The following INF2 variants were observed in gnomAD, a reference collection of about 807,000 sequenced individuals.
INF2 encodes the protein inverted formin-2.
INF2 carries 43 observed loss-of-function variants against 123.5 expected under a neutral mutation model. The ratio of observed to expected loss-of-function variants is 0.35; its 90% CI spans 0.27 to 0.45. The LOEUF (loss-of-function observed/expected upper bound fraction) is 0.45. Among genes scored for constraint, INF2 ranks in the 20% least tolerant of loss-of-function variants. The pLI is 1.00. For missense variants in INF2, 1,453 were observed against 1,682.7 expected (o/e 0.86, Z 2.39); for synonymous variants, 851 against 745.0 (o/e 1.14, Z -2.32).
chr14:104,682,358 A>G (rs998629346), intron 1 of INF2, among the ~76,000 whole-genome samples: 2 of 152,192 alleles, frequency 1.3e-5, no homozygotes, highest in African/African-American at 4.8e-5. Context: ...GGAAGAGCTC[A>G]GGAGCAAATG....
intron 1 of INF2, among the ~76,000 whole-genome samples, chr14:104,695,097 C>T (rs1595155688): frequency 6.6e-6 from 1 of 152,262 alleles, no homozygotes; most frequent in South Asian, 2.1e-4. Context: ...TGACGAGCTC[C>T]TGGCCACCTG....
chr14:104,707,393 A>T lies in INF2; in HGVS notation c.1126A>T (p.Thr376Ser), dbSNP rs376942822. The change falls in exon 8 of 23, where the codon ACT (threonine) becomes TCT (serine). Residue 376 changes from threonine (T) to serine (S), a missense_variant. Physicochemically the swap from Thr to Ser is moderately conservative, Grantham distance 58 (BLOSUM62 1). Coordinates refer to ENST00000392634, the MANE Select transcript of INF2 (RefSeq NM_022489.4). ...QSQRGSSPQN[T>S]TTPKPSVEGQ... ...CCAGAGGGGCAGCTCCCCGCAAAAC[A>T]CTACAACCCCCAAGCCCAGCGTGGA... 2.5e-6 allele frequency: 4 copies of T among 1,589,712 alleles called. No homozygotes were observed. Among genetic ancestry groups the T allele is most frequent in the Non-Finnish European group, 2.6e-6 (3 of 1,169,650 alleles).
At chr14:104,698,125 G>T (rs777411208) in intron 1 of INF2, among the ~76,000 whole-genome samples, 1 of 152,248 alleles carries the variant, frequency 6.6e-6, no homozygotes, top group Non-Finnish European at 1.5e-5. Flanking sequence ...ACATTCCTGC[G>T]CTGGTGGCCC....
intron 22 of INF2, chr14:104,716,009 A>G (rs868448398): frequency 4.0e-5 from 18 of 453,898 alleles, no homozygotes; most frequent in Middle Eastern, 6.5e-4. Context: ...CCAAAGGTCA[A>G]TCAGCCAGGT....
chr14:104,701,821 C>T, intron 2 of INF2, 65 bp downstream of exon 2: 2 of 1,427,234 alleles, frequency 1.4e-6, no homozygotes, highest in Non-Finnish European at 1.8e-6. Flanking sequence ...GCTTCAGGCC[C>T]AAAAGGCCCC....
rs756712490 is a variant in INF2, at chr14:104,708,712, C to T, written c.1929C>T (p.Ile643=). 176 of 1,613,128 alleles carry T rather than the reference C, an allele frequency of 1.1e-4. 2 individuals carry two copies. The South Asian group carries it at 1.8e-3, about 17-fold the overall frequency. The change falls in exon 10 of 23, where the codon ATC becomes ATT. Residue 643 remains isoleucine (I), a synonymous_variant. Transcript: ENST00000392634. The part of the protein sequence containing the change: ...LDAKKSLNLN[I]FLKQFKCSNE... ...CCAAGAAGAGCCTGAACCTCAACAT[C>T]TTCCTGAAGCAATTTAAGTGGTGAG...
At position 104,708,540 on chromosome 14, in the gene INF2, A is replaced by C; in HGVS notation, c.1840A>C (p.Lys614Gln). 6.2e-7 allele frequency: 1 copy of C among 1,612,230 alleles called. No individual in the cohort carries two copies. The change falls in exon 9 of 23, where the codon AAG becomes CAG. Residue 614 changes from lysine (K) to glutamine (Q), a missense_variant. Transcript: ENST00000392634. ...ATTCTCCTTCCCTGCAGCCAAGCCC[A>C]AGGAGCCCACCATGGTGGCCCCCCG... is the stretch of plus-strand genomic sequence containing the variant. ...RLFSFPAAKP[K>Q]EPTMVAPRAR...
rs375469409 is a variant in INF2, at chr14:104,693,332, G to A, written c.-10+3593G>A. On this transcript the variant is annotated intron_variant, in intron 1 of 22. Coordinates refer to ENST00000392634, the MANE Select transcript of INF2 (RefSeq NM_022489.4). ...CTACTGTTACAGGGCTCTGCCCCGG[G>A]CCCACCTCACAGTGAAGGCAGAGGC... 2.0e-5 allele frequency among the ~76,000 whole-genome samples: 3 copies of A among 152,332 alleles called. No homozygotes were observed. The East Asian group carries it at 5.8e-4, about 29-fold the overall frequency.
rs1889024376 is a variant in INF2, at chr14:104,692,963, A to G, written c.-10+3224A>G. Among the ~76,000 whole-genome samples the G allele has an allele frequency of 2.0e-5, 3 of 152,190 alleles. No individual in the cohort carries two copies. In the South Asian group the frequency reaches 6.2e-4, roughly 32 times the overall value. On this transcript the variant is annotated intron_variant, in intron 1 of 22. Transcript: ENST00000392634. The stretch of plus-strand genomic sequence containing the variant: ...CAGTTCACTCCTGTTCTCACCCCAG[A>G]AGGGTGACTGGCCGTGGCTGGGGCA...
rs1337490946 is a variant in INF2 at position 104,684,179 on chromosome 14, C to T, written c.-104+2597C>T. The T allele has an allele frequency of 8.8e-6, 4 of 455,188 alleles. No homozygotes were observed. Among genetic ancestry groups the T allele is most frequent in the Admixed American group, 4.7e-5 (2 of 42,516 alleles). The allele number at this position is 455,188 out of a possible 1,614,324, so 28.2% of individuals were successfully genotyped here. A position where few individuals can be genotyped will look rare whatever the true frequency, so the allele number is the denominator to read the frequency against. On this transcript the variant is annotated intron_variant, in intron 1 of 2. Transcript: ENST00000674723. The surrounding 1 kb of genome is among the most constrained non-coding windows in gnomAD (Gnocchi z 5.0). ...CTGCGTGCCGCCACGGGAAACAGCA[C>T]GCATCCCATCTGGACTCCCACCAGA...
intron 1 of INF2, among the ~76,000 whole-genome samples, chr14:104,694,512 C>T (rs947518858): frequency 2.6e-5 from 4 of 152,182 alleles, no homozygotes; most frequent in Admixed American, 1.3e-4. Flanking sequence ...GCGGTCAGTG[C>T]GTGGTTATGC....
rs773373009 is a variant in INF2 at position 104,714,605 on chromosome 14, C to A, written c.3443C>A (p.Thr1148Lys). Residue 1148 changes from threonine to lysine, a missense_variant, in exon 21 of 23, where the codon ACA becomes AAA. This residue lies in a region of INF2 where 344 missense variants were observed against 333.1 expected (regional missense o/e 1.03). Coordinates refer to ENST00000392634, the MANE Select transcript of INF2 (RefSeq NM_022489.4). ...LGVLQAEADS[T>K]SEGLEDAVHS... ...GTCCTCCAGGCCGAGGCCGACAGCACAAGTGAGGGGCTGGAGGACGCTGTC... is the reference window on the plus strand; with the variant it reads ...GTCCTCCAGGCCGAGGCCGACAGCAAAAGTGAGGGGCTGGAGGACGCTGTC... 3 of 1,612,492 alleles carry A rather than the reference C, an allele frequency of 1.9e-6. No individual in the cohort carries two copies. The African/African-American group carries it at 4.0e-5, about 22-fold the overall frequency.
At chr14:104,714,998 C>A in intron 21 of INF2, 142 bp downstream of exon 21, 1 of 927,002 alleles carries the variant, frequency 1.1e-6, no homozygotes, top group Non-Finnish European at 1.6e-6. Flanking sequence ...GAGGAGGCGG[C>A]AGTGCGTCCA....
chr14:104,696,161 G>A (rs1449594950), intron 1 of INF2, among the ~76,000 whole-genome samples: 1 of 152,202 alleles, frequency 6.6e-6, no homozygotes, highest in Non-Finnish European at 1.5e-5. Context: ...CCTGCTCCCA[G>A]GGGGCCCTTC....
At chr14:104,706,369 G>C (rs181233095) in intron 6 of INF2, among the ~76,000 whole-genome samples, 193 bp downstream of exon 6, 13 of 152,262 alleles carry the variant, frequency 8.5e-5, no homozygotes, top group Middle Eastern at 3.4e-3. Context: ...GTGGCGCCTA[G>C]AGCGGGCAGC....
At chr14:104,692,480 A>G (rs1157468954) in intron 1 of INF2, among the ~76,000 whole-genome samples, 1 of 152,178 alleles carries the variant, frequency 6.6e-6, no homozygotes, top group Non-Finnish European at 1.5e-5. Context: ...GAGGCCCCCC[A>G]GCCCTTGTTG....
chr14:104,690,933 G>T (rs1888914391), intron 1 of INF2, among the ~76,000 whole-genome samples: 1 of 152,210 alleles, frequency 6.6e-6, no homozygotes, highest in South Asian at 2.1e-4. Context: ...ACCTCACACT[G>T]CTCCCACCCC....
At position 104,707,461 on chromosome 14, in the gene INF2, C is replaced by A. The variant is rs777103497; in HGVS notation, c.1194C>A (p.Asp398Glu). ...CAGCTGCTGCCTGCGAGCCCGTGGA[C>A]CACGCCCAGAGTGAGAGCATCCTGA... Reference protein sequence around the residue: ...PAAAAACEPVDHAQSESILKV... With the variant: ...PAAAAACEPVEHAQSESILKV... Residue 398 changes from aspartate to glutamate, a missense_variant, in exon 8 of 23, where the codon GAC (aspartate) becomes GAA (glutamate). Physicochemically the swap from Asp to Glu is conservative, Grantham distance 45. Coordinates refer to ENST00000392634, the MANE Select transcript of INF2 (RefSeq NM_022489.4). The A allele has an allele frequency of 1.3e-6, 2 of 1,557,470 alleles. No homozygotes were observed. Among genetic ancestry groups the A allele is most frequent in the South Asian group, 2.4e-5 (2 of 84,652 alleles).
Position 104,681,963 on chromosome 14 carries a change from C to T in INF2, c.-104+381C>T, listed in dbSNP as rs191966136. On this transcript the variant is annotated intron_variant, in intron 1 of 2. Coordinates refer to the INF2 transcript ENST00000674723. ...GAGGGGAGCTGTCACTCTCCCAAGG[C>T]GGGAAGTGGGAGGGGCTGGGAGTCT... 3.2e-3 allele frequency among the ~76,000 whole-genome samples: 482 copies of T among 151,386 alleles called. 5 individuals are homozygous for T. The highest frequency in any genetic ancestry group is 0.027 in the South Asian group (131 of 4,782).
Sources: gnomAD v4.1 joint callset for allele counts (sites outside exome capture counted in the v4.1 genomes callset) on GRCh38, gnomAD v4.1.1 for gene constraint, gnomAD v4.1.1 regional missense constraint, Gnocchi (gnomAD v3.1) non-coding constraint, MANE v1.5 for transcripts, NCBI Gene and HGNC (gene_info 2026-07-23, HGNC 2026-07-21) for gene names.